Variants in LPP observed in about 807,000 individuals in gnomAD.
LPP encodes the protein lipoma-preferred partner.
In LPP, 38 loss-of-function variants were observed where a neutral mutation model predicts 60.4. The ratio of observed to expected loss-of-function variants is 0.63; its 90% CI spans 0.49 to 0.83. The LOEUF (loss-of-function observed/expected upper bound fraction) is 0.83. Ranked by LOEUF, LPP falls within the 40% of genes least tolerant of loss-of-function variation. The probability of loss-of-function intolerance (pLI) is 0.00; values close to 1 mark genes in which losing one functional copy is unlikely to be tolerated. For synonymous variants in LPP, 328 were observed against 290.8 expected, an observed-to-expected ratio of 1.13 and a Z score of -1.30; for missense variants, 902 against 783.6, an observed-to-expected ratio of 1.15 and a Z score of -1.80.
chr3:188,804,699 C>G (rs1305230682), intron 9 of LPP, among the ~76,000 whole-genome samples: 1 of 151,944 alleles, frequency 6.6e-6, no homozygotes, highest in African/African-American at 2.4e-5. Flanking sequence ...CTGTTTCTTG[C>G]CCAATTGCCC....
At chr3:188,857,375 G>A (rs1305893527) in intron 9 of LPP, among the ~76,000 whole-genome samples, 3 of 152,222 alleles carry the variant, frequency 2.0e-5, no homozygotes, top group East Asian at 1.9e-4. Context: ...AGAAGAATGA[G>A]CCTTTCTCTT....
intron 4 of LPP, among the ~76,000 whole-genome samples, chr3:188,452,312 G>A (rs1423504743): frequency 6.6e-6 from 1 of 152,172 alleles, no homozygotes; most frequent in East Asian, 1.9e-4. Flanking sequence ...CTGTGAAGAA[G>A]TGCTTTAAAA....
At chr3:188,471,132 G>C (rs528284564) in intron 4 of LPP, among the ~76,000 whole-genome samples, 1 of 152,212 alleles carries the variant, frequency 6.6e-6, no homozygotes, top group Non-Finnish European at 1.5e-5. Context: ...CCATATATTA[G>C]AGAGTTTATT....
intron 9 of LPP, among the ~76,000 whole-genome samples, chr3:188,860,641 G>A (rs200629415): frequency 8.0e-5 from 12 of 150,612 alleles, no homozygotes; most frequent in Non-Finnish European, 7.4e-5. Context: ...TGGTTAAATA[G>A]AAAAAAAAAA....
chr3:188,729,856 A>G (rs1388607578), intron 8 of LPP, among the ~76,000 whole-genome samples: 1 of 151,706 alleles, frequency 6.6e-6, no homozygotes, highest in Non-Finnish European at 1.5e-5. Context: ...ATGATGGCAT[A>G]TGCTGTGGTT....
At chr3:188,717,200 C>A (rs1714376604) in intron 8 of LPP, among the ~76,000 whole-genome samples, 1 of 152,178 alleles carries the variant, frequency 6.6e-6, no homozygotes, top group African/African-American at 2.4e-5. Context: ...CACTTTTCAC[C>A]CCATTGTGCT....
intron 9 of LPP, among the ~76,000 whole-genome samples, chr3:188,787,707 C>T (rs1333564053): frequency 6.6e-6 from 1 of 152,158 alleles, no homozygotes; most frequent in Non-Finnish European, 1.5e-5. Flanking sequence ...AACTTTCTAC[C>T]GTTTTTAATA....
chr3:188,231,682 T>G (rs1413716181), intron 2 of LPP, among the ~76,000 whole-genome samples: 1 of 151,810 alleles, frequency 6.6e-6, no homozygotes, highest in Non-Finnish European at 1.5e-5. Context: ...CTGCAGCTCC[T>G]CTCTGTGCCC....
At chr3:188,162,679 A>G (rs575562390) in intron 1 of LPP, among the ~76,000 whole-genome samples, 12 of 152,288 alleles carry the variant, frequency 7.9e-5, no homozygotes, top group South Asian at 4.1e-4. Flanking sequence ...TTACCTTTCA[A>G]TGGAGATCCT....
At chr3:188,724,001 C>T (rs1362412691) in intron 8 of LPP, among the ~76,000 whole-genome samples, 1 of 151,972 alleles carries the variant, frequency 6.6e-6, no homozygotes, top group Admixed American at 6.6e-5. Context: ...GCCACTCCAC[C>T]AAGAGTTTTG....
intron 2 of LPP, among the ~76,000 whole-genome samples, chr3:188,248,495 T>TATATATATATATATATATATATATAC (rs1358563921): frequency 1.4e-4 from 20 of 138,586 alleles, no homozygotes; most frequent in African/African-American, 5.4e-4. Flanking sequence ...TATATATATA[T>TATATATATATATATATATATATATAC]ATACAGTCAG....
Position 188,497,084 on chromosome 3 carries a change from G to GT in LPP, c.306+12388dup, listed in dbSNP as rs1391255467. Among the ~76,000 whole-genome samples, 271 of 151,416 alleles carry GT rather than the reference G, an allele frequency of 1.8e-3. 3 individuals carry two copies. The highest frequency in any genetic ancestry group is 6.3e-3 in the African/African-American group (259 of 41,316). The stretch of plus-strand genomic sequence containing the variant: ...TATTATAAGAAATATAAGTTTTGTG[G>GT]TTTTTTTTGAAATAAAAATTTGGTT... On this transcript the variant is annotated intron_variant, in intron 5 of 11. Transcript: ENST00000617246.
chr3:188,244,656 C>G (rs964295757), intron 2 of LPP, among the ~76,000 whole-genome samples: 1 of 152,188 alleles, frequency 6.6e-6, no homozygotes, highest in African/African-American at 2.4e-5. Context: ...GTATTAGAGT[C>G]AAAAGTATGA....
At chr3:188,553,003 C>A (rs551427207) in intron 6 of LPP, among the ~76,000 whole-genome samples, 7 of 152,126 alleles carry the variant, frequency 4.6e-5, no homozygotes, top group Non-Finnish European at 1.0e-4. Flanking sequence ...AATGAAGCAG[C>A]CAGTCATAAA....
intron 7 of LPP, among the ~76,000 whole-genome samples, chr3:188,613,227 C>T (rs373900073): frequency 2.5e-5 from 3 of 121,198 alleles, no homozygotes. Flanking sequence ...TCACAGAACT[C>T]GTGTCCTGTG....
rs13076750 is a variant in LPP, at chr3:188,341,655, A to G, written c.-66-8A>G. The stretch of plus-strand genomic sequence containing the variant: ...GTAATTTTTACTTATTTCATTTGTA[A>G]ACACTAGCATTGCAGTTGGCTGAAC... On this transcript the variant is annotated splice_region_variant and splice_polypyrimidine_tract_variant and intron_variant, in intron 2 of 11. Transcript: ENST00000617246. The G allele has an allele frequency of 0.29, 279,849 of 974,636 alleles. 44,757 individuals are homozygous for G. The highest frequency in any genetic ancestry group is 0.61 in the African/African-American group (34,724 of 56,846). The allele number at this position is 974,636 out of a possible 1,614,324, so 60.4% of individuals were successfully genotyped here. A position where few individuals can be genotyped will look rare whatever the true frequency, so the allele number is the denominator to read the frequency against.
chr3:188,399,809 C>CTA (rs1781818560), intron 3 of LPP, among the ~76,000 whole-genome samples: 1 of 152,026 alleles, frequency 6.6e-6, no homozygotes, highest in African/African-American at 2.4e-5. Context: ...TTTTGGTGAT[C>CTA]TATATAAATC....
intron 6 of LPP, among the ~76,000 whole-genome samples, chr3:188,559,711 C>A (rs946004852): frequency 1.3e-5 from 2 of 152,010 alleles, no homozygotes. Flanking sequence ...TTTTATTATT[C>A]TTTTACTATG....
chr3:188,442,736 AC>A (rs1794308005), intron 4 of LPP, among the ~76,000 whole-genome samples: 1 of 152,146 alleles, frequency 6.6e-6, no homozygotes. Flanking sequence ...AATTTTCGAA[AC>A]TTAAGAATCA....
Sources: allele counts gnomAD v4.1 joint callset (sites outside exome capture counted in the v4.1 genomes callset), GRCh38; gene constraint gnomAD v4.1.1; transcripts MANE v1.5; gene names NCBI Gene and HGNC (gene_info 2026-07-23, HGNC 2026-07-21).